Variants in HCLS1 observed in about 807,000 individuals in gnomAD.
HCLS1 encodes hematopoietic lineage cell-specific protein.
Under a neutral mutation model 68.6 loss-of-function variants are expected in HCLS1, and 44 were observed. The observed-to-expected ratio is 0.64, with a 90% confidence interval of 0.50 to 0.82. HCLS1 has a LOEUF of 0.82. HCLS1 is among the 40% of genes least tolerant of loss of function. The pLI, the probability that HCLS1 is intolerant of heterozygous loss-of-function variation, is 0.00. For synonymous variants in HCLS1, 217 were observed against 225.8 expected, an observed-to-expected ratio of 0.96 and a Z score of 0.35; for missense variants, 602 against 612.1, an observed-to-expected ratio of 0.98 and a Z score of 0.17.
chr3:121,647,720 T>C (rs1937643785), intron 3 of HCLS1, among the ~76,000 whole-genome samples: 1 of 152,202 alleles, frequency 6.6e-6, no homozygotes, highest in African/African-American at 2.4e-5. Context: ...ATTTTTCATG[T>C]TCTTAAATAT....
chr3:121,645,444 C>CA (rs200000017), intron 4 of HCLS1, among the ~76,000 whole-genome samples: 30 of 151,690 alleles, frequency 2.0e-4, no homozygotes, highest in East Asian at 1.5e-3. Flanking sequence ...GACATGTATA[C>CA]AAAAAAAATC....
intron 1 of HCLS1, among the ~76,000 whole-genome samples, chr3:121,659,245 C>T (rs1351244426): frequency 2.6e-5 from 4 of 152,182 alleles, no homozygotes; most frequent in Non-Finnish European, 5.9e-5. Context: ...TCTAGACGGC[C>T]TTCCGGACTG....
intron 12 of HCLS1, 63 bp downstream of exon 12, chr3:121,632,269 C>A (rs2108855160): frequency 6.3e-7 from 1 of 1,588,348 alleles, no homozygotes; most frequent in Non-Finnish European, 8.6e-7. Context: ...TAGAGAAATT[C>A]TTCTTCCTCT....
At chr3:121,646,502 T>C (rs1371096941) in intron 4 of HCLS1, among the ~76,000 whole-genome samples, 1 of 106,758 alleles carries the variant, frequency 9.4e-6, no homozygotes, top group Non-Finnish European at 1.7e-5. Flanking sequence ...ATATTATATA[T>C]ACTTATATAT....
chr3:121,637,405 C>A (rs765081040), intron 6 of HCLS1, 149 bp from the exon 7 acceptor site: 7 of 599,606 alleles, frequency 1.2e-5, no homozygotes, highest in Middle Eastern at 4.0e-4. Context: ...TAAAGAGAAG[C>A]CATGTCTTAA....
intron 7 of HCLS1, among the ~76,000 whole-genome samples, chr3:121,636,809 C>A (rs954916437): frequency 2.0e-5 from 3 of 152,178 alleles, no homozygotes; most frequent in Non-Finnish European, 4.4e-5. Context: ...CAGTAAACCT[C>A]TTTATCCTCT....
At chr3:121,634,912 G>A (rs1040352210) in intron 9 of HCLS1, among the ~76,000 whole-genome samples, 1 of 152,134 alleles carries the variant, frequency 6.6e-6, no homozygotes, top group Non-Finnish European at 1.5e-5. Context: ...GATTACAGGT[G>A]TGAGCCACCA....
chr3:121,637,815 A>T (rs1175412184), intron 6 of HCLS1, among the ~76,000 whole-genome samples: 1 of 152,070 alleles, frequency 6.6e-6, no homozygotes, highest in Non-Finnish European at 1.5e-5. Context: ...GTGCGTCTGT[A>T]GCCCCAGCTA....
intron 5 of HCLS1, chr3:121,643,976 C>T (rs1487109320): frequency 1.3e-5 from 2 of 152,526 alleles, no homozygotes; most frequent in African/African-American, 2.4e-5. Flanking sequence ...TTTTGTTTTT[C>T]ATGGTTTTAC....
At chr3:121,657,380 T>C in intron 2 of HCLS1, 28 bp from the exon 3 acceptor site, 3 of 1,611,256 alleles carry the variant, frequency 1.9e-6, no homozygotes, top group Non-Finnish European at 2.5e-6. Flanking sequence ...CAGTAATACA[T>C]GACGGCAAGA....
chr3:121,637,634 T>C (rs1410889071), intron 6 of HCLS1, among the ~76,000 whole-genome samples: 8 of 152,108 alleles, frequency 5.3e-5, no homozygotes, highest in Admixed American at 2.0e-4. Context: ...ATAACAATTG[T>C]GTTTTAAAGA....
At chr3:121,632,015 T>G in intron 13 of HCLS1, 33 bp from the exon 14 acceptor site, 1 of 1,614,010 alleles carries the variant, frequency 6.2e-7, no homozygotes, top group Non-Finnish European at 8.5e-7. Context: ...ATTAGAATGG[T>G]CAGACATGAA....
chr3:121,640,837 GAGGGCAGGGCAGGGC>G (rs557668199), intron 6 of HCLS1, among the ~76,000 whole-genome samples: 2 of 90,218 alleles, frequency 2.2e-5, no homozygotes, highest in East Asian at 5.1e-4. Context: ...GAGGGGACGG[GAGGGCAGGGCAGGGC>G]AGGGCAGGGC....
At chr3:121,637,394 T>C (rs1576462010) in intron 6 of HCLS1, 138 bp from the exon 7 acceptor site, 4 of 620,692 alleles carry the variant, frequency 6.4e-6, no homozygotes, top group Non-Finnish European at 1.2e-5. Context: ...TACAGGGGAA[T>C]TAAAGAGAAG....
intron 3 of HCLS1, among the ~76,000 whole-genome samples, chr3:121,649,787 C>T (rs1250608122): frequency 2.6e-5 from 4 of 152,178 alleles, no homozygotes; most frequent in African/African-American, 9.7e-5. Flanking sequence ...TAAAGCAATG[C>T]AGTTTATGTG....
rs752334664 is a variant in HCLS1, at chr3:121,632,420, C to T, written c.1152G>A (p.Met384Ile). 4 of 1,612,296 alleles carry T rather than the reference C, an allele frequency of 2.5e-6. No individual in the cohort carries two copies. Among genetic ancestry groups the T allele is most frequent in the Non-Finnish European group, 2.5e-6 (3 of 1,179,918 alleles). ...PENDYEDVEE[M>I]DRHEQEDEPE... ...GTTCATCCTCCTGCTCATGCCTGTC[C>T]ATCTCCTCAACGTCCTCATAGTCAT... is the stretch of plus-strand genomic sequence containing the variant. Residue 384 changes from methionine to isoleucine, a missense_variant, in exon 12 of 14, where the codon ATG becomes ATA. Met to Ile is a conservative substitution (Grantham distance 10). Transcript: ENST00000314583.
chr3:121,645,267 TGTAGTGTGGG>T (rs2049236245), intron 4 of HCLS1, among the ~76,000 whole-genome samples: 1 of 150,728 alleles, frequency 6.6e-6, no homozygotes, highest in Non-Finnish European at 1.5e-5. Flanking sequence ...CAGAACAGAG[TGTAGTGTGGG>T]GTAGTGTGGA....
At chr3:121,637,800 G>T (rs892855337) in intron 6 of HCLS1, among the ~76,000 whole-genome samples, 1 of 152,110 alleles carries the variant, frequency 6.6e-6, no homozygotes, top group Non-Finnish European at 1.5e-5. Context: ...TCCAGGCATG[G>T]TGATGTGCGT....
At position 121,631,928 on chromosome 3, in the gene HCLS1, A is replaced by G; in HGVS notation, c.1379T>C (p.Met460Thr). The change falls in exon 14 of 14, where the codon ATG becomes ACG. Residue 460 changes from methionine to threonine, a missense_variant. Physicochemically the swap from Met to Thr is moderately conservative, Grantham distance 81 (BLOSUM62 -1). Coordinates refer to ENST00000314583, the MANE Select transcript of HCLS1 (RefSeq NM_005335.6). ...DPDDVITDIE[M>T]VDEGWWRGRC... Reference sequence around the variant, plus strand: ...TCCCCGCCACCAGCCCTCGTCCACCATCTCAATGTCAGTGATTACGTCGTC... The same window carrying G: ...TCCCCGCCACCAGCCCTCGTCCACCGTCTCAATGTCAGTGATTACGTCGTC... The G allele has an allele frequency of 1.2e-6, 2 of 1,614,198 alleles. No individual in the cohort carries two copies. The highest frequency in any genetic ancestry group is 2.2e-5 in the East Asian group (1 of 44,888).
Sources: gnomAD v4.1 joint callset for allele counts (sites outside exome capture counted in the v4.1 genomes callset) on GRCh38, gnomAD v4.1.1 for gene constraint, MANE v1.5 for transcripts, NCBI Gene and HGNC (gene_info 2026-07-23, HGNC 2026-07-21) for gene names.